Variants in RCAN2 observed in about 807,000 individuals in gnomAD.
RCAN2 encodes the protein regulator of calcineurin 2.
A neutral mutation model predicts 23.6 loss-of-function variants in RCAN2; 9 were observed. The observed-to-expected ratio is 0.38, with a 90% CI of 0.23 to 0.67. The LOEUF (loss-of-function observed/expected upper bound fraction) is 0.67. Among genes scored for constraint, RCAN2 ranks in the 30% least tolerant of loss-of-function variants. The probability of loss-of-function intolerance (pLI) is 0.51; values close to 1 mark genes in which losing one functional copy is unlikely to be tolerated. For synonymous variants in RCAN2, 109 were observed against 115.7 expected, an observed-to-expected ratio of 0.94 and a Z score of 0.37; for missense variants, 273 against 302.3, an observed-to-expected ratio of 0.90 and a Z score of 0.72.
At chr6:46,425,692 G>T (rs1388040942) in intron 2 of RCAN2, among the ~76,000 whole-genome samples, 1 of 151,948 alleles carries the variant, frequency 6.6e-6, no homozygotes, top group Non-Finnish European at 1.5e-5. Flanking sequence ...AGTTCCTTGA[G>T]TTATAATTTA....
At chr6:46,433,809 A>C (rs1483711103) in intron 2 of RCAN2, among the ~76,000 whole-genome samples, 1 of 152,240 alleles carries the variant, frequency 6.6e-6, no homozygotes, top group Non-Finnish European at 1.5e-5. Flanking sequence ...TTTAATTTAA[A>C]TTAGTTAAAT....
At chr6:46,396,982 G>T (rs1309263054) in intron 2 of RCAN2, among the ~76,000 whole-genome samples, 1 of 151,992 alleles carries the variant, frequency 6.6e-6, no homozygotes, top group African/African-American at 2.4e-5. Flanking sequence ...GTGGTGGCAT[G>T]CTCCTGTAAT....
intron 2 of RCAN2, 151 bp downstream of exon 2, chr6:46,456,601 T>C: frequency 1.6e-6 from 1 of 620,584 alleles, no homozygotes; most frequent in South Asian, 2.0e-5. Flanking sequence ...GATAATAGAA[T>C]GGGATTTTCT....
chr6:46,371,349 T>C (rs1182715647), intron 2 of RCAN2, among the ~76,000 whole-genome samples: 1 of 152,246 alleles, frequency 6.6e-6, no homozygotes, highest in African/African-American at 2.4e-5. Flanking sequence ...ATATCTTTCA[T>C]GTGACACTTG....
At chr6:46,401,213 A>G (rs1432184502) in intron 2 of RCAN2, among the ~76,000 whole-genome samples, 1 of 152,162 alleles carries the variant, frequency 6.6e-6, no homozygotes, top group Non-Finnish European at 1.5e-5. Context: ...AAGTTTGCCA[A>G]CAGGTTTGGA....
At chr6:46,442,385 C>T (rs1767574662) in intron 2 of RCAN2, among the ~76,000 whole-genome samples, 1 of 152,192 alleles carries the variant, frequency 6.6e-6, no homozygotes, top group South Asian at 2.1e-4. Flanking sequence ...TCTAGCCTAC[C>T]CCTCCACCAC....
intron 2 of RCAN2, among the ~76,000 whole-genome samples, chr6:46,442,599 T>C (rs987948121): frequency 1.3e-5 from 2 of 151,924 alleles, no homozygotes; most frequent in Non-Finnish European, 2.9e-5. Context: ...TTTTTGCAAA[T>C]AGGGAGAAAA....
At chr6:46,446,643 T>C (rs1050934394) in intron 2 of RCAN2, among the ~76,000 whole-genome samples, 1 of 152,212 alleles carries the variant, frequency 6.6e-6, no homozygotes, top group African/African-American at 2.4e-5. Flanking sequence ...TAATGATAGC[T>C]ACTATAATTT....
chr6:46,288,516 A>T (rs1762441467), intron 2 of RCAN2, among the ~76,000 whole-genome samples: 1 of 152,232 alleles, frequency 6.6e-6, no homozygotes, highest in Admixed American at 6.5e-5. Context: ...AGAATCCTCA[A>T]CCTATGGATG....
At chr6:46,486,190 A>G (rs1768984534) in intron 1 of RCAN2, among the ~76,000 whole-genome samples, 2 of 152,162 alleles carry the variant, frequency 1.3e-5, no homozygotes, top group African/African-American at 4.8e-5. Context: ...GAAAACTGCA[A>G]CTCAGAGAAC....
intron 2 of RCAN2, among the ~76,000 whole-genome samples, chr6:46,264,867 A>G (rs923714997): frequency 6.6e-6 from 1 of 152,214 alleles, no homozygotes; most frequent in Non-Finnish European, 1.5e-5. Flanking sequence ...TAGGCCCCGC[A>G]CATATGCTAA....
intron 4 of RCAN2, among the ~76,000 whole-genome samples, chr6:46,224,838 T>C (rs531768432): frequency 6.6e-6 from 1 of 152,266 alleles, no homozygotes; most frequent in East Asian, 1.9e-4. Context: ...GTGCACAATG[T>C]GCAGGTTTGT....
intron 2 of RCAN2, among the ~76,000 whole-genome samples, chr6:46,418,693 G>GTATATA (rs1402938888): frequency 9.0e-5 from 9 of 99,604 alleles, no homozygotes; most frequent in African/African-American, 2.9e-4. Flanking sequence ...ATATGTGTGT[G>GTATATA]TGTATATATA....
intron 2 of RCAN2, among the ~76,000 whole-genome samples, chr6:46,415,390 GA>G (rs1290109278): frequency 6.6e-6 from 1 of 152,160 alleles, no homozygotes; most frequent in East Asian, 1.9e-4. Flanking sequence ...ATGAGATAAG[GA>G]AAACAGAAGG....
At chr6:46,461,972 C>T (rs1290347864) in intron 1 of RCAN2, among the ~76,000 whole-genome samples, 2 of 152,188 alleles carry the variant, frequency 1.3e-5, no homozygotes, top group African/African-American at 2.4e-5. Context: ...TGAAGGCCCC[C>T]CTCTGCCAAT....
At chr6:46,454,512 A>AG (rs569854279) in intron 2 of RCAN2, among the ~76,000 whole-genome samples, 111 of 152,284 alleles carry the variant, frequency 7.3e-4, no homozygotes, top group Non-Finnish European at 1.3e-3. Flanking sequence ...GGTATCCTAA[A>AG]GACTGTCCAC....
intron 2 of RCAN2, among the ~76,000 whole-genome samples, chr6:46,253,577 G>A (rs939332444): frequency 3.3e-5 from 5 of 152,144 alleles, no homozygotes; most frequent in African/African-American, 1.2e-4. Flanking sequence ...TGTGCTTAAG[G>A]TTAAAGGGTT....
chr6:46,490,083 G>A (rs895709970), intron 1 of RCAN2, among the ~76,000 whole-genome samples: 33 of 152,146 alleles, frequency 2.2e-4, no homozygotes, highest in African/African-American at 7.2e-4. Flanking sequence ...TTTGTTCTTC[G>A]TTTTGAAGTG....
At chr6:46,224,483 T>G (rs1562090270) in intron 4 of RCAN2, among the ~76,000 whole-genome samples, 1 of 152,222 alleles carries the variant, frequency 6.6e-6, no homozygotes, top group Non-Finnish European at 1.5e-5. Flanking sequence ...TCCTTCTTTG[T>G]TTTGGTCAAA....
Sources: allele counts gnomAD v4.1 joint callset (sites outside exome capture counted in the v4.1 genomes callset), GRCh38; gene constraint gnomAD v4.1.1; transcripts MANE v1.5; gene names NCBI Gene and HGNC (gene_info 2026-07-23, HGNC 2026-07-21).